PRPSAP1: variants seen among roughly 807,000 people sequenced by gnomAD.
PRPSAP1 encodes the protein phosphoribosyl pyrophosphate synthase-associated protein 1.
Under a neutral mutation model 39.4 loss-of-function variants are expected in PRPSAP1, and 31 were observed. The observed-to-expected ratio is 0.79, with a 90% CI of 0.59 to 1.06. The LOEUF (loss-of-function observed/expected upper bound fraction) is 1.06, where lower values mean the gene tolerates loss of function less well. Ranked by LOEUF, PRPSAP1 falls within the 50% of genes least tolerant of loss-of-function variation. The pLI is 0.00. For missense variants in PRPSAP1, 430 were observed against 511.6 expected (o/e 0.84, Z 1.54); for synonymous variants, 212 against 192.6 (o/e 1.10, Z -0.83).
intron 4 of PRPSAP1, 69 bp downstream of exon 4, chr17:76,332,194 A>C: frequency 1.9e-6 from 3 of 1,543,336 alleles, no homozygotes; most frequent in Non-Finnish European, 2.6e-6. Flanking sequence ...CTGAGGTATG[A>C]GCTAAGTCCA....
chr17:76,341,800 G>A (rs996465291), intron 3 of PRPSAP1, among the ~76,000 whole-genome samples: 8 of 152,086 alleles, frequency 5.3e-5, no homozygotes, highest in Non-Finnish European at 1.0e-4. Flanking sequence ...TTAGCCGGGC[G>A]TGGTGGTGGG....
At chr17:76,312,277 A>C (rs379503) in intron 9 of PRPSAP1, among the ~76,000 whole-genome samples, 72,624 of 151,938 alleles carry the variant, frequency 0.48, 20,738 homozygotes, top group African/African-American at 0.79. Flanking sequence ...CCCGTTTCTA[A>C]GAAAAACACA....
intron 3 of PRPSAP1, among the ~76,000 whole-genome samples, chr17:76,334,798 A>G (rs2071361419): frequency 1.3e-5 from 2 of 152,188 alleles, no homozygotes; most frequent in Admixed American, 1.3e-4. Flanking sequence ...AGACTTCCAA[A>G]TTAATAATGC....
intron 7 of PRPSAP1, among the ~76,000 whole-genome samples, chr17:76,328,186 CAA>C (rs56020637): frequency 6.3e-4 from 69 of 108,728 alleles, no homozygotes; most frequent in African/African-American, 7.3e-4. Context: ...GATCCTTTCT[CAA>C]AAAAAAAAAA....
chr17:76,332,446 C>CA lies in PRPSAP1; in HGVS notation c.291-12dup. ...GCTGTATTCACATCTCTGAAACAGT[C>CA]AAAGTTTGTATTTGGGGATTAATTC... On this transcript the variant is annotated splice_polypyrimidine_tract_variant and intron_variant, in intron 3 of 9. Coordinates refer to ENST00000446526, the MANE Select transcript of PRPSAP1 (RefSeq NM_002766.3). 1 of 1,613,122 alleles carries CA rather than the reference C, an allele frequency of 6.2e-7. No homozygotes were observed. Among genetic ancestry groups the CA allele is most frequent in the Non-Finnish European group, 8.5e-7 (1 of 1,179,266 alleles).
rs113806054 is a variant in PRPSAP1, at chr17:76,334,649, A to T, written c.291-2214T>A. On this transcript the variant is annotated intron_variant, in intron 3 of 9. Transcript: ENST00000446526. ...TAAAAAAAACAAAAACAAAAACAAA[A>T]AATGTCTCCCTGAGGAGACTGATGC... Among the ~76,000 whole-genome samples the T allele has an allele frequency of 9.4e-3, 1,402 of 148,598 alleles. 28 individuals are homozygous for T. The highest frequency in any genetic ancestry group is 0.034 in the African/African-American group (1,352 of 39,660).
At chr17:76,344,821 C>T (rs2071478380) in intron 2 of PRPSAP1, 84 bp from the exon 3 acceptor site, 10 of 1,038,550 alleles carry the variant, frequency 9.6e-6, no homozygotes, top group South Asian at 8.8e-5. Flanking sequence ...TACTTCATGC[C>T]GGGCGCGGTG....
At chr17:76,329,014 G>T (rs1045847697) in intron 6 of PRPSAP1, 152 bp from the exon 7 acceptor site, 1 of 875,234 alleles carries the variant, frequency 1.1e-6, no homozygotes, top group African/African-American at 1.7e-5. Context: ...GCCCAGGCCA[G>T]CATGTAAATG....
At chr17:76,318,516 T>C (rs868366388) in intron 7 of PRPSAP1, among the ~76,000 whole-genome samples, 5 of 152,184 alleles carry the variant, frequency 3.3e-5, no homozygotes, top group Admixed American at 1.3e-4. Context: ...GAGTCCAAGG[T>C]TGAATATTTA....
chr17:76,326,351 TAC>T (rs2143487835), intron 7 of PRPSAP1, among the ~76,000 whole-genome samples: 1 of 152,242 alleles, frequency 6.6e-6, no homozygotes, highest in South Asian at 2.1e-4. Flanking sequence ...GCAGAATATT[TAC>T]AGTTAAAACA....
chr17:76,314,002 A>G (rs2071095256), intron 7 of PRPSAP1, 111 bp from the exon 8 acceptor site: 1 of 1,125,280 alleles, frequency 8.9e-7, no homozygotes, highest in African/African-American at 1.5e-5. Context: ...ACAGACAAAA[A>G]ACAAACAAAC....
chr17:76,332,422 C>T lies in PRPSAP1; in HGVS notation c.304G>A (p.Ala102Thr), dbSNP rs1203215914. ...GCCATGATGAGCAACTCCATCACAG[C>T]TGTATTCACATCTCTGAAACAGTCA... ...IQTIPRDVNT[A>T]VMELLIMAYA... Residue 102 changes from alanine (A) to threonine (T), a missense_variant, in exon 4 of 10, where the codon GCT (alanine) becomes ACT (threonine). Coordinates refer to ENST00000446526, the MANE Select transcript of PRPSAP1 (RefSeq NM_002766.3). 2 of 1,614,146 alleles carry T rather than the reference C, an allele frequency of 1.2e-6. No individual in the cohort carries two copies. The highest frequency in any genetic ancestry group is 1.7e-6 in the Non-Finnish European group (2 of 1,180,000).
intron 7 of PRPSAP1, among the ~76,000 whole-genome samples, chr17:76,322,941 C>T (rs907158063): frequency 1.3e-5 from 2 of 152,070 alleles, no homozygotes; most frequent in Non-Finnish European, 2.9e-5. Context: ...CTGCAGTGAG[C>T]AGTGATCGCA....
chr17:76,327,902 T>C (rs1378198653), intron 7 of PRPSAP1, among the ~76,000 whole-genome samples: 1 of 152,132 alleles, frequency 6.6e-6, no homozygotes, highest in African/African-American at 2.4e-5. Flanking sequence ...GGGCCTGGCA[T>C]GGGGCTCATG....
At chr17:76,322,003 G>A (rs555488022) in intron 7 of PRPSAP1, among the ~76,000 whole-genome samples, 4 of 152,290 alleles carry the variant, frequency 2.6e-5, no homozygotes, top group African/African-American at 4.8e-5. Context: ...AGCCGTTTCC[G>A]TGACCTAAGA....
chr17:76,312,002 GA>G (rs2071075103), intron 9 of PRPSAP1, among the ~76,000 whole-genome samples: 1 of 152,150 alleles, frequency 6.6e-6, no homozygotes, highest in African/African-American at 2.4e-5. Flanking sequence ...AGCCTCAAGA[GA>G]AATGCTCCTA....
intron 3 of PRPSAP1, among the ~76,000 whole-genome samples, chr17:76,335,072 TC>T (rs1233237672): frequency 1.3e-5 from 2 of 152,190 alleles, no homozygotes; most frequent in African/African-American, 4.8e-5. Flanking sequence ...GAATGTGTGG[TC>T]CCCTTCCCAG....
At chr17:76,342,852 C>T (rs911875382) in intron 3 of PRPSAP1, among the ~76,000 whole-genome samples, 4 of 151,718 alleles carry the variant, frequency 2.6e-5, no homozygotes, top group African/African-American at 4.8e-5. Flanking sequence ...CTGAGGCAGG[C>T]GGATCACTTG....
At chr17:76,340,145 C>CA (rs71161288) in intron 3 of PRPSAP1, among the ~76,000 whole-genome samples, 24,859 of 77,522 alleles carry the variant, frequency 0.32, 3,766 homozygotes, top group African/African-American at 0.52. Context: ...GGCCTTGTCT[C>CA]AAAAAAAAAA....
Sources: gnomAD v4.1 joint callset for allele counts (sites outside exome capture counted in the v4.1 genomes callset) on GRCh38, gnomAD v4.1.1 for gene constraint, MANE v1.5 for transcripts, NCBI Gene and HGNC (gene_info 2026-07-23, HGNC 2026-07-21) for gene names.